Variants in CSDE1 observed in about 807,000 individuals in gnomAD.
The protein encoded by CSDE1 is cold shock domain-containing protein E1.
In CSDE1, 17 loss-of-function variants were observed where a neutral mutation model predicts 89.3. That is an observed-to-expected ratio of 0.19 (90% CI 0.13 to 0.29). The LOEUF (loss-of-function observed/expected upper bound fraction) is 0.29. Among genes scored for constraint, CSDE1 ranks in the 10% least tolerant of loss-of-function variants. The pLI, the probability that CSDE1 is intolerant of heterozygous loss-of-function variation, is 1.00. For synonymous variants in CSDE1, 322 were observed against 332.8 expected, an observed-to-expected ratio of 0.97 and a Z score of 0.35; for missense variants, 672 against 984.2, an observed-to-expected ratio of 0.68 and a Z score of 4.24.
chr1:114,737,344 T>G, intron 5 of CSDE1, 127 bp downstream of exon 5: 1 of 784,402 alleles, frequency 1.3e-6, no homozygotes, highest in Non-Finnish European at 2.0e-6. Flanking sequence ...ATTTGAAGCC[T>G]CTTAGAAACC....
chr1:114,742,035 C>A (rs1293171925), intron 2 of CSDE1, among the ~76,000 whole-genome samples: 5 of 152,116 alleles, frequency 3.3e-5, no homozygotes, highest in Non-Finnish European at 7.4e-5. Flanking sequence ...AAGAAAATAA[C>A]TGGGACTATT....
chr1:114,753,243 C>T (rs1023385807), intron 1 of CSDE1, among the ~76,000 whole-genome samples: 21 of 152,168 alleles, frequency 1.4e-4, no homozygotes, highest in African/African-American at 4.6e-4. Context: ...ACATTAAGAA[C>T]TGTCAAGTCC....
intron 12 of CSDE1, among the ~76,000 whole-genome samples, chr1:114,729,278 T>G (rs1659972886): frequency 6.6e-6 from 1 of 151,840 alleles, no homozygotes; most frequent in Admixed American, 6.6e-5. Context: ...TTTTTGTATT[T>G]TTAGTAGAGA....
intron 2 of CSDE1, among the ~76,000 whole-genome samples, chr1:114,740,742 A>G (rs1361678140): frequency 6.6e-6 from 1 of 152,218 alleles, no homozygotes; most frequent in Non-Finnish European, 1.5e-5. Context: ...GTAAAACAAC[A>G]AAAACTATAA....
chr1:114,739,941 G>T, intron 2 of CSDE1, 51 bp from the exon 3 acceptor site: 1 of 1,457,608 alleles, frequency 6.9e-7, no homozygotes, highest in Non-Finnish European at 9.6e-7. Context: ...TATCTCCATA[G>T]CATATTAAGT....
chr1:114,737,674 A>G (rs1660478593), intron 4 of CSDE1, 111 bp from the exon 5 acceptor site: 1 of 803,662 alleles, frequency 1.2e-6, no homozygotes, highest in Non-Finnish European at 2.0e-6. Flanking sequence ...ATGCATTTTA[A>G]TATGATCCAC....
chr1:114,747,054 G>GC (rs1181986268), intron 2 of CSDE1, among the ~76,000 whole-genome samples: 1 of 152,152 alleles, frequency 6.6e-6, no homozygotes. Flanking sequence ...AACTAGGAGC[G>GC]CGACAGGAAT....
In CSDE1 at chr1:114,738,088, G is replaced by C; in HGVS notation, c.200-16C>G. 6.3e-7 allele frequency: 1 copy of C among 1,588,542 alleles called. No individual in the cohort carries two copies. Among genetic ancestry groups the C allele is most frequent in the Non-Finnish European group, 8.6e-7 (1 of 1,156,730 alleles). On this transcript the variant is annotated splice_polypyrimidine_tract_variant and intron_variant, in intron 3 of 19. Coordinates refer to ENST00000358528, the MANE Select transcript of CSDE1 (RefSeq NM_001007553.3). Reference sequence around the variant, plus strand: ...TCAACATCATCTAAAAATAAATAATGTGTTATGTTTGTTGAACTGATTTTT... The same window carrying C: ...TCAACATCATCTAAAAATAAATAATCTGTTATGTTTGTTGAACTGATTTTT...
Position 114,743,155 on chromosome 1 carries a change from AATTT to A in CSDE1, c.1-3269_1-3266del, listed in dbSNP as rs1419267045. On this transcript the variant is annotated intron_variant, in intron 2 of 19. Transcript: ENST00000358528. ...TGTTTGTTTGTTTATTTAATTAATTAATTTATTTTTGAGACACAGTCTTGCTCTG... is the reference window on the plus strand; with the variant it reads ...TGTTTGTTTGTTTATTTAATTAATTAATTTTTGAGACACAGTCTTGCTCTG... 3.9e-5 allele frequency among the ~76,000 whole-genome samples: 6 copies of A among 152,062 alleles called. No individual in the cohort carries two copies. In the South Asian group the frequency reaches 6.2e-4, roughly 16 times the overall value.
At chr1:114,732,858 C>T (rs1468763584) in intron 9 of CSDE1, 42 bp from the exon 10 acceptor site, 13 of 1,501,140 alleles carry the variant, frequency 8.7e-6, no homozygotes, top group Non-Finnish European at 1.2e-5. Context: ...GATTTCTCAT[C>T]CTTCCTAGTT....
chr1:114,737,154 AC>A (rs1268101365), intron 5 of CSDE1, among the ~76,000 whole-genome samples: 3 of 152,114 alleles, frequency 2.0e-5, no homozygotes, highest in Non-Finnish European at 4.4e-5. Flanking sequence ...GGCATTCCAA[AC>A]AAAAAAAGCT....
rs755471051 is a variant in CSDE1 at position 114,732,834 on chromosome 1, C to G, written c.838-18G>C. Reference sequence around the variant, plus strand: ...GGGTCATTCTGATGAGAAGGAAAAACGATTTTAGCTGGAGATTTCTCATCC... The same window carrying G: ...GGGTCATTCTGATGAGAAGGAAAAAGGATTTTAGCTGGAGATTTCTCATCC... On this transcript the variant is annotated intron_variant, in intron 9 of 19. Coordinates refer to ENST00000358528, the MANE Select transcript of CSDE1 (RefSeq NM_001007553.3). 6.3e-7 allele frequency: 1 copy of G among 1,590,334 alleles called. No individual in the cohort carries two copies. The highest frequency in any genetic ancestry group is 1.3e-5 in the African/African-American group (1 of 74,318).
intron 12 of CSDE1, among the ~76,000 whole-genome samples, chr1:114,727,481 C>A (rs1056881863): frequency 6.6e-6 from 1 of 152,132 alleles, no homozygotes; most frequent in Non-Finnish European, 1.5e-5. Flanking sequence ...GAAGTATCCT[C>A]TTTTAGTAGC....
At chr1:114,757,213 C>A (rs1275340233) in intron 1 of CSDE1, among the ~76,000 whole-genome samples, 1 of 152,142 alleles carries the variant, frequency 6.6e-6, no homozygotes, top group Non-Finnish European at 1.5e-5. Flanking sequence ...GGTGCTGAGA[C>A]CCTGCTCTAG....
chr1:114,756,477 A>G (rs1279154205), intron 1 of CSDE1, among the ~76,000 whole-genome samples: 1 of 152,208 alleles, frequency 6.6e-6, no homozygotes, highest in African/African-American at 2.4e-5. Context: ...AGTGCTCCTC[A>G]ATGCAATATC....
At chr1:114,723,821 T>C (rs1659657125) in intron 16 of CSDE1, 62 bp downstream of exon 16, 2 of 1,607,918 alleles carry the variant, frequency 1.2e-6, no homozygotes, top group Admixed American at 1.7e-5. Context: ...ATTTTAAAAC[T>C]TTATAGGTGC....
At chr1:114,744,903 C>A (rs1452220772) in intron 2 of CSDE1, among the ~76,000 whole-genome samples, 1 of 152,132 alleles carries the variant, frequency 6.6e-6, no homozygotes, top group African/African-American at 2.4e-5. Context: ...TGGCACAGAG[C>A]AGGCACTCAT....
intron 12 of CSDE1, chr1:114,727,969 A>G (rs904033569): frequency 1.6e-4 from 24 of 152,168 alleles, no homozygotes; most frequent in Admixed American, 1.6e-3. Context: ...TCTAGCCCTG[A>G]CTTCCTTCCT....
At chr1:114,725,360 C>T in intron 14 of CSDE1, 27 bp from the exon 15 acceptor site, 2 of 1,529,274 alleles carry the variant, frequency 1.3e-6, no homozygotes, top group Non-Finnish European at 1.8e-6. Context: ...TGACATTTAA[C>T]TAAACATTAC....
Sources: gnomAD v4.1 joint callset for allele counts (sites outside exome capture counted in the v4.1 genomes callset) on GRCh38, gnomAD v4.1.1 for gene constraint, MANE v1.5 for transcripts, NCBI Gene and HGNC (gene_info 2026-07-23, HGNC 2026-07-21) for gene names.